Variants in DNAJC1 observed in about 807,000 individuals in gnomAD.
The protein encoded by DNAJC1 is dnaJ homolog subfamily C member 1.
Under a neutral mutation model 76.6 loss-of-function variants are expected in DNAJC1, and 58 were observed. The ratio of observed to expected loss-of-function variants is 0.76; its 90% CI spans 0.61 to 0.94. DNAJC1 has a LOEUF of 0.94. Ranked by LOEUF, DNAJC1 falls within the 40% of genes least tolerant of loss-of-function variation. DNAJC1 has a pLI of 0.00. For synonymous variants in DNAJC1, 258 were observed against 267.9 expected, an observed-to-expected ratio of 0.96 and a Z score of 0.36; for missense variants, 689 against 677.3, an observed-to-expected ratio of 1.02 and a Z score of -0.19.
At chr10:21,790,010 T>TAAAAAAAA (rs35639440) in intron 9 of DNAJC1, among the ~76,000 whole-genome samples, 13 of 41,092 alleles carry the variant, frequency 3.2e-4, no homozygotes, top group African/African-American at 1.2e-3. Context: ...GCTCTGTCTT[T>TAAAAAAAA]AAAAAAAAAA....
At chr10:21,843,975 T>G (rs1835614947) in intron 8 of DNAJC1, among the ~76,000 whole-genome samples, 1 of 152,162 alleles carries the variant, frequency 6.6e-6, no homozygotes, top group South Asian at 2.1e-4. Context: ...TCCCCCATAC[T>G]GTTCTCATGG....
At chr10:21,779,201 C>T (rs1263650380) in intron 9 of DNAJC1, among the ~76,000 whole-genome samples, 1 of 152,186 alleles carries the variant, frequency 6.6e-6, no homozygotes, top group Non-Finnish European at 1.5e-5. Context: ...ACAGCAATAA[C>T]CTCTGCAGAC....
intron 1 of DNAJC1, among the ~76,000 whole-genome samples, chr10:21,929,840 G>A (rs1042523666): frequency 3.9e-5 from 6 of 152,052 alleles, no homozygotes; most frequent in South Asian, 2.1e-4. Flanking sequence ...AAAGGTTACC[G>A]TGGTTCAGTA....
At chr10:21,906,865 A>G (rs774093958) in intron 6 of DNAJC1, among the ~76,000 whole-genome samples, 2 of 152,198 alleles carry the variant, frequency 1.3e-5, no homozygotes, top group African/African-American at 2.4e-5. Flanking sequence ...GTTAGGCCTT[A>G]TATGTATGTT....
rs781192184 is a variant in DNAJC1, at chr10:21,904,483, TTA to T, written c.820+37_820+38del. ...ATAATTCACATTTAAATAATTAATT[TTA>T]TATGACATTGTTAAAACACTAATGT... is the stretch of plus-strand genomic sequence containing the variant. On this transcript the variant is annotated intron_variant, in intron 7 of 11. Transcript: ENST00000376980. 528 of 1,226,372 alleles carry T rather than the reference TTA, an allele frequency of 4.3e-4. 2 individuals are homozygous for T. The highest frequency in any genetic ancestry group is 4.9e-4 in the Non-Finnish European group (435 of 885,424). The allele number at this position is 1,226,372 out of a possible 1,614,324, so 76.0% of individuals were successfully genotyped here.
intron 3 of DNAJC1, among the ~76,000 whole-genome samples, chr10:21,928,215 T>C (rs1026893892): frequency 1.3e-5 from 2 of 152,182 alleles, no homozygotes; most frequent in Non-Finnish European, 2.9e-5. Context: ...CAGGCAGTAT[T>C]TGTATCTCCC....
intron 8 of DNAJC1, among the ~76,000 whole-genome samples, chr10:21,843,527 G>A (rs2131681311): frequency 6.6e-6 from 1 of 151,592 alleles, no homozygotes; most frequent in South Asian, 2.1e-4. Flanking sequence ...CCAAGTGGCT[G>A]GGAGTACAGG....
chr10:21,771,262 T>TC (rs1834374068), intron 9 of DNAJC1, among the ~76,000 whole-genome samples: 1 of 152,222 alleles, frequency 6.6e-6, no homozygotes, highest in Non-Finnish European at 1.5e-5. Flanking sequence ...CTTCTTTTTT[T>TC]CCATCTTATT....
At chr10:21,900,207 G>A (rs910204711) in intron 7 of DNAJC1, among the ~76,000 whole-genome samples, 3 of 151,996 alleles carry the variant, frequency 2.0e-5, no homozygotes, top group African/African-American at 7.2e-5. Context: ...GCCGGTCATG[G>A]TGGTGCACAC....
chr10:21,815,893 G>A lies in DNAJC1; in HGVS notation c.979-9794C>T, dbSNP rs186883875. 1.1e-3 allele frequency among the ~76,000 whole-genome samples: 172 copies of A among 151,504 alleles called. 4 individuals are homozygous for A. The East Asian group carries it at 0.029, about 26-fold the overall frequency. ...CCCGAGTAGCTGGGATCACAGGCCC[G>A]CCACCACGTCTGGCTAATTTTTGTA... On this transcript the variant is annotated intron_variant, in intron 8 of 11. Coordinates refer to ENST00000376980, the MANE Select transcript of DNAJC1 (RefSeq NM_022365.4).
At chr10:21,983,695 G>A (rs1425877601) in intron 1 of DNAJC1, among the ~76,000 whole-genome samples, 4 of 149,016 alleles carry the variant, frequency 2.7e-5, no homozygotes, top group East Asian at 2.0e-4. Flanking sequence ...CATTCCAGCC[G>A]GGGCAACAGA....
intron 7 of DNAJC1, among the ~76,000 whole-genome samples, chr10:21,901,387 CTT>C (rs1206227729): frequency 6.6e-6 from 1 of 152,026 alleles, no homozygotes; most frequent in East Asian, 1.9e-4. Context: ...ATAGAATTCT[CTT>C]TTATTAATTT....
chr10:21,762,161 T>C (rs1019649687), intron 10 of DNAJC1, among the ~76,000 whole-genome samples: 1 of 152,112 alleles, frequency 6.6e-6, no homozygotes, highest in Non-Finnish European at 1.5e-5. Context: ...ATGGTCTCAA[T>C]CTCTTGACCT....
intron 9 of DNAJC1, among the ~76,000 whole-genome samples, chr10:21,775,331 CTTTTT>C (rs34444920): frequency 7.7e-4 from 38 of 49,670 alleles, no homozygotes; most frequent in Non-Finnish European, 1.3e-3. Context: ...CTGCAAATGG[CTTTTT>C]TTTTTTTTTT....
intron 1 of DNAJC1, among the ~76,000 whole-genome samples, chr10:21,988,647 A>T (rs1838283495): frequency 6.6e-6 from 1 of 152,316 alleles, no homozygotes; most frequent in Admixed American, 6.5e-5. Context: ...TTATTAAAAC[A>T]GTCTTTAGTG....
chr10:21,853,963 G>A (rs1371106634), intron 8 of DNAJC1, among the ~76,000 whole-genome samples: 1 of 151,872 alleles, frequency 6.6e-6, no homozygotes, highest in Non-Finnish European at 1.5e-5. Flanking sequence ...ACGGAAATAA[G>A]ATTGTCCTTT....
chr10:21,862,167 C>G (rs908465845), intron 8 of DNAJC1, among the ~76,000 whole-genome samples: 3 of 152,058 alleles, frequency 2.0e-5, no homozygotes, highest in Non-Finnish European at 4.4e-5. Flanking sequence ...ATCCGCCTGC[C>G]TCAGCCTCCC....
intron 1 of DNAJC1, among the ~76,000 whole-genome samples, chr10:21,996,284 T>C (rs948380707): frequency 1.2e-4 from 18 of 152,164 alleles, no homozygotes; most frequent in Admixed American, 3.3e-4. Context: ...GAAAGTCACA[T>C]AGTACCATTT....
intron 8 of DNAJC1, among the ~76,000 whole-genome samples, chr10:21,834,033 G>C (rs1037028436): frequency 2.0e-5 from 3 of 152,074 alleles, no homozygotes; most frequent in Non-Finnish European, 1.5e-5. Flanking sequence ...GGGAGGCTGA[G>C]GTGGGCGGAC....
Sources: allele counts gnomAD v4.1 joint callset (sites outside exome capture counted in the v4.1 genomes callset), GRCh38; gene constraint gnomAD v4.1.1; transcripts MANE v1.5; gene names NCBI Gene and HGNC (gene_info 2026-07-23, HGNC 2026-07-21).